The following SLC39A11 variants were observed in gnomAD, a reference collection of about 807,000 sequenced individuals.
The protein encoded by SLC39A11 is zinc transporter ZIP11.
SLC39A11 carries 33 observed loss-of-function variants against 36.1 expected under a neutral mutation model. The ratio of observed to expected loss-of-function variants is 0.91; its 90% CI spans 0.69 to 1.22. The LOEUF is 1.22. Among genes scored for constraint, SLC39A11 ranks in the 50% most tolerant of loss-of-function variants. SLC39A11 has a pLI of 0.00. For synonymous variants in SLC39A11, 166 were observed against 170.3 expected, an observed-to-expected ratio of 0.97 and a Z score of 0.20; for missense variants, 432 against 430.3, an observed-to-expected ratio of 1.00 and a Z score of -0.03.
intron 4 of SLC39A11, among the ~76,000 whole-genome samples, chr17:73,003,249 A>G (rs1215595690): frequency 2.0e-5 from 3 of 152,230 alleles, no homozygotes; most frequent in Non-Finnish European, 2.9e-5. Flanking sequence ...GAGAAACTTT[A>G]CCTGCAAATA....
At chr17:73,024,266 T>TG (rs1440170697) in intron 4 of SLC39A11, among the ~76,000 whole-genome samples, 4 of 152,122 alleles carry the variant, frequency 2.6e-5, no homozygotes, top group Non-Finnish European at 4.4e-5. Context: ...CAACAATAGC[T>TG]CAACCCCAGG....
At chr17:73,029,563 G>T (rs184436381) in intron 4 of SLC39A11, among the ~76,000 whole-genome samples, 1 of 151,968 alleles carries the variant, frequency 6.6e-6, no homozygotes, top group Non-Finnish European at 1.5e-5. Context: ...TCCAGGGGAC[G>T]GAGACAGACA....
At chr17:72,851,657 C>T (rs754512568) in intron 5 of SLC39A11, among the ~76,000 whole-genome samples, 2 of 152,114 alleles carry the variant, frequency 1.3e-5, no homozygotes, top group Admixed American at 6.5e-5. Context: ...CAATCACAAG[C>T]GGCTGAGCTT....
At chr17:72,933,206 C>A (rs111271097) in intron 5 of SLC39A11, among the ~76,000 whole-genome samples, 99 of 152,224 alleles carry the variant, frequency 6.5e-4, no homozygotes, top group African/African-American at 2.4e-3. Context: ...ATTCTTAGAA[C>A]CAATAAATGA....
chr17:72,760,557 C>T (rs1030745012), intron 6 of SLC39A11, among the ~76,000 whole-genome samples: 17 of 152,220 alleles, frequency 1.1e-4, no homozygotes, highest in Non-Finnish European at 1.3e-4. Context: ...CTACACACCC[C>T]ATCTCCTACC....
In SLC39A11 at chr17:72,748,486, G is replaced by A. The variant is rs111610554; in HGVS notation, c.602-11767C>T. ...GGCATATCCGATTGTTTCACGTTGG[G>A]ATCCCTCTGAACAGTGACAGACCCA... On this transcript the variant is annotated intron_variant, in intron 6 of 9. Transcript: ENST00000255559. 1.1e-3 allele frequency among the ~76,000 whole-genome samples: 171 copies of A among 152,200 alleles called. 1 individual carries two copies. The highest frequency in any genetic ancestry group is 6.8e-3 in the Middle Eastern group (2 of 294).
intron 5 of SLC39A11, among the ~76,000 whole-genome samples, chr17:72,923,127 G>A (rs1467431908): frequency 6.6e-6 from 1 of 152,096 alleles, no homozygotes; most frequent in Non-Finnish European, 1.5e-5. Flanking sequence ...CCTAGTGGTA[G>A]ATTGTAATAG....
At chr17:72,738,188 TAG>T (rs2074516762) in intron 6 of SLC39A11, among the ~76,000 whole-genome samples, 1 of 152,056 alleles carries the variant, frequency 6.6e-6, no homozygotes, top group African/African-American at 2.4e-5. Flanking sequence ...GTATTTTTAG[TAG>T]AGACGGGCTT....
rs543752337 is a variant in SLC39A11, at chr17:72,939,566, G to A, written c.430+8186C>T. Among the ~76,000 whole-genome samples, 8 of 152,288 alleles carry A rather than the reference G, an allele frequency of 5.3e-5. No homozygotes were observed. In the South Asian group the frequency reaches 1.0e-3, roughly 20 times the overall value. ...GTGAGCCCTAAATCCAATGACTGGT[G>A]TCTTTATGAGACAAAGGATACGGAG... is the stretch of plus-strand genomic sequence containing the variant. On this transcript the variant is annotated intron_variant, in intron 5 of 9. Transcript: ENST00000255559.
chr17:72,738,425 G>A (rs146897857), intron 6 of SLC39A11, among the ~76,000 whole-genome samples: 4 of 152,310 alleles, frequency 2.6e-5, no homozygotes, highest in Admixed American at 2.0e-4. Flanking sequence ...AGTGTGCAGC[G>A]TGGGGCTAGA....
At chr17:72,940,910 T>C (rs1160358421) in intron 5 of SLC39A11, among the ~76,000 whole-genome samples, 1 of 152,178 alleles carries the variant, frequency 6.6e-6, no homozygotes, top group African/African-American at 2.4e-5. Flanking sequence ...GATAGGATTT[T>C]TAAAGTGTTA....
chr17:72,941,917 G>A (rs959874705), intron 5 of SLC39A11, among the ~76,000 whole-genome samples: 15 of 151,408 alleles, frequency 9.9e-5, no homozygotes, highest in African/African-American at 3.4e-4. Context: ...GTCTCACTCT[G>A]TCGCCCAGGC....
chr17:73,004,046 A>G (rs1430428951), intron 4 of SLC39A11, among the ~76,000 whole-genome samples: 1 of 151,598 alleles, frequency 6.6e-6, no homozygotes, highest in Non-Finnish European at 1.5e-5. Flanking sequence ...AGATCGCACC[A>G]CTGCCCTCCA....
chr17:73,087,827 T>C (rs2060784909), intron 2 of SLC39A11, among the ~76,000 whole-genome samples: 1 of 151,914 alleles, frequency 6.6e-6, no homozygotes, highest in Admixed American at 6.6e-5. Context: ...TCTGTCTATA[T>C]TCATCCCAAG....
intron 4 of SLC39A11, among the ~76,000 whole-genome samples, chr17:73,010,798 T>C (rs2090466014): frequency 6.6e-6 from 1 of 152,236 alleles, no homozygotes; most frequent in African/African-American, 2.4e-5. Context: ...CTGTGCTTCA[T>C]GTTTGTAGGG....
intron 7 of SLC39A11, among the ~76,000 whole-genome samples, chr17:72,657,667 A>C (rs2070196932): frequency 6.6e-6 from 1 of 152,200 alleles, no homozygotes; most frequent in Non-Finnish European, 1.5e-5. Context: ...TAAACCTGGC[A>C]CAGTCCCCAG....
At chr17:72,780,667 G>A (rs2076284979) in intron 6 of SLC39A11, among the ~76,000 whole-genome samples, 1 of 152,190 alleles carries the variant, frequency 6.6e-6, no homozygotes, top group Non-Finnish European at 1.5e-5. Context: ...TATTAGGTCA[G>A]CATTCATTTT....
At chr17:72,725,350 A>G (rs776479878) in intron 7 of SLC39A11, among the ~76,000 whole-genome samples, 9 of 152,302 alleles carry the variant, frequency 5.9e-5, no homozygotes, top group Non-Finnish European at 1.2e-4. Context: ...CATAAAAGCT[A>G]TACTTTTATT....
intron 5 of SLC39A11, among the ~76,000 whole-genome samples, chr17:72,861,153 A>T (rs1192574345): frequency 6.6e-6 from 1 of 152,252 alleles, no homozygotes; most frequent in African/African-American, 2.4e-5. Flanking sequence ...AAATTAGATT[A>T]TGATAAGATT....
Sources: gnomAD v4.1 joint callset for allele counts (sites outside exome capture counted in the v4.1 genomes callset) on GRCh38, gnomAD v4.1.1 for gene constraint, MANE v1.5 for transcripts, NCBI Gene and HGNC (gene_info 2026-07-23, HGNC 2026-07-21) for gene names.